GIGYF2: variants seen among roughly 807,000 people sequenced by gnomAD.
GIGYF2 encodes GRB10-interacting GYF protein 2.
Under a neutral mutation model 208.1 loss-of-function variants are expected in GIGYF2, and 25 were observed. The observed-to-expected ratio is 0.12, with a 90% CI of 0.09 to 0.17. The LOEUF (loss-of-function observed/expected upper bound fraction) is 0.17, where lower values mean the gene tolerates loss of function less well. Among genes scored for constraint, GIGYF2 ranks in the 10% least tolerant of loss-of-function variants. The pLI, the probability that GIGYF2 is intolerant of heterozygous loss-of-function variation, is 1.00. For synonymous variants in GIGYF2, 534 were observed against 543.8 expected, an observed-to-expected ratio of 0.98 and a Z score of 0.25; for missense variants, 1,302 against 1,579.4, an observed-to-expected ratio of 0.82 and a Z score of 2.98.
intron 2 of GIGYF2, chr2:232,729,637 T>G: frequency 9.1e-7 from 1 of 1,093,630 alleles, no homozygotes; most frequent in Non-Finnish European, 1.4e-6. Flanking sequence ...CACAACGTAT[T>G]TGAAGTTTCT....
chr2:232,850,509 A>G (rs1690271506), intron 28 of GIGYF2, 100 bp downstream of exon 28: 1 of 1,143,224 alleles, frequency 8.7e-7, no homozygotes, highest in African/African-American at 1.5e-5. Context: ...AAGAAGGGAA[A>G]TATTTCTTTT....
At chr2:232,826,215 C>T (rs967651876) in intron 21 of GIGYF2, among the ~76,000 whole-genome samples, 3 of 152,136 alleles carry the variant, frequency 2.0e-5, no homozygotes, top group Admixed American at 6.5e-5. Context: ...TGGGTATATA[C>T]CCAGTAATGG....
At chr2:232,765,030 T>G (rs1698899407) in intron 8 of GIGYF2, among the ~76,000 whole-genome samples, 1 of 152,188 alleles carries the variant, frequency 6.6e-6, no homozygotes, top group Non-Finnish European at 1.5e-5. Context: ...CTAGTTAGTA[T>G]CTACTATTAT....
intron 2 of GIGYF2, among the ~76,000 whole-genome samples, chr2:232,714,742 C>T (rs1299971888): frequency 6.6e-6 from 1 of 151,746 alleles, no homozygotes; most frequent in Non-Finnish European, 1.5e-5. Flanking sequence ...TTAATATTTG[C>T]GTCTTCTAGA....
At position 232,735,128 on chromosome 2, in the gene GIGYF2, G is replaced by A. The variant is rs1697679622; in HGVS notation, c.-43-27G>A. 7 of 985,726 alleles carry A rather than the reference G, an allele frequency of 7.1e-6. No individual in the cohort carries two copies. In the South Asian group the frequency reaches 9.3e-5, roughly 13 times the overall value. The allele number at this position is 985,726 out of a possible 1,614,324, so 61.1% of individuals were successfully genotyped here. On this transcript the variant is annotated intron_variant, in intron 2 of 28. Coordinates refer to ENST00000373563, the MANE Select transcript of GIGYF2 (RefSeq NM_001103146.3). ...ATTCCACATTTAATCTCAACTAATA[G>A]TATGGAGATATTTTTCTCGTTAACA...
chr2:232,734,992 C>G (rs2106295978), intron 2 of GIGYF2, among the ~76,000 whole-genome samples, 163 bp from the exon 3 acceptor site: 1 of 152,278 alleles, frequency 6.6e-6, no homozygotes, highest in East Asian at 1.9e-4. Flanking sequence ...ATTCATTTCA[C>G]TTTGCCTGCT....
At chr2:232,845,655 A>G (rs974215550) in intron 25 of GIGYF2, 77 bp from the exon 26 acceptor site, 16 of 1,267,874 alleles carry the variant, frequency 1.3e-5, no homozygotes, top group Non-Finnish European at 1.8e-5. Flanking sequence ...TTGCCAAGAC[A>G]TTATTTATGG....
intron 3 of GIGYF2, 135 bp downstream of exon 3, chr2:232,735,373 TGTTA>T (rs1347758861): frequency 2.0e-5 from 14 of 694,788 alleles, no homozygotes; most frequent in Non-Finnish European, 3.1e-5. Context: ...GAAAACAATG[TGTTA>T]GTTCAGGAAT....
At chr2:232,760,882 T>G (rs1316294049) in intron 7 of GIGYF2, among the ~76,000 whole-genome samples, 3 of 151,672 alleles carry the variant, frequency 2.0e-5, no homozygotes, top group Non-Finnish European at 4.4e-5. Flanking sequence ...TTAGTAAAAG[T>G]ATCTTCTCTC....
chr2:232,804,006 TC>T (rs1437120394), intron 14 of GIGYF2, among the ~76,000 whole-genome samples: 1 of 152,218 alleles, frequency 6.6e-6, no homozygotes, highest in Non-Finnish European at 1.5e-5. Context: ...GATCACTGTC[TC>T]TTCCTTCACC....
intron 2 of GIGYF2, among the ~76,000 whole-genome samples, chr2:232,719,531 C>T (rs1696846450): frequency 1.3e-5 from 2 of 152,088 alleles, no homozygotes. Flanking sequence ...AGGTTGATTT[C>T]TTTTCTTTCT....
At chr2:232,788,592 T>G in intron 9 of GIGYF2, 1 of 470,394 alleles carries the variant, frequency 2.1e-6, no homozygotes. Flanking sequence ...ACAAACAAGG[T>G]GAATGTTTTG....
At chr2:232,756,377 G>T (rs750000786) in intron 6 of GIGYF2, 43 bp downstream of exon 6, 10 of 1,027,830 alleles carry the variant, frequency 9.7e-6, no homozygotes, top group Non-Finnish European at 1.5e-5. Flanking sequence ...GGAGGAGGAG[G>T]AGGATAGAGA....
chr2:232,712,818 C>T (rs934932341), intron 2 of GIGYF2, among the ~76,000 whole-genome samples: 6 of 151,980 alleles, frequency 3.9e-5, no homozygotes, highest in East Asian at 3.9e-4. Context: ...TTTTAAAAAA[C>T]GATTTAAAAA....
chr2:232,765,725 A>G, intron 8 of GIGYF2: 1 of 302,830 alleles, frequency 3.3e-6, no homozygotes, highest in Non-Finnish European at 6.6e-6. Flanking sequence ...AATACAAATT[A>G]GTGTATTTTG....
At position 232,856,917 on chromosome 2, in the gene GIGYF2, C is replaced by G. The variant is rs1035855176; in HGVS notation, c.*57C>G. On this transcript the variant is annotated 3_prime_UTR_variant, in exon 29 of 29. Transcript: ENST00000373563. The stretch of plus-strand genomic sequence containing the variant: ...TGTCTGCCGACTATGGAGTCTCCAC[C>G]TTTGGACACAACACTTACTCACCAT... 3 of 1,103,258 alleles carry G rather than the reference C, an allele frequency of 2.7e-6. No individual in the cohort carries two copies. The highest frequency in any genetic ancestry group is 3.4e-5 in the Admixed American group (2 of 59,404). The allele number at this position is 1,103,258 out of a possible 1,614,324, so 68.3% of individuals were successfully genotyped here. A position where few individuals can be genotyped will look rare whatever the true frequency, so the allele number is the denominator to read the frequency against.
chr2:232,766,401 C>G (rs1165613800), intron 8 of GIGYF2: 2 of 165,012 alleles, frequency 1.2e-5, no homozygotes, highest in African/African-American at 4.8e-5. Flanking sequence ...GGCAGCTTCA[C>G]TTAACAAGCG....
Position 232,747,739 on chromosome 2 carries a change from A to C in GIGYF2, c.166A>C (p.Asn56His). Residue 56 changes from asparagine to histidine, a missense_variant, in exon 4 of 29, where the codon AAC becomes CAC. Transcript: ENST00000373563. ...AATGTTAGCACTTTTCCTTAAAGAC[A>C]ACAAGGTAAGAAAGTAGGAAAAGAG... The part of the protein sequence containing the change: ...EEMLALFLKD[N>H]KIPSDLLDKE... The C allele has an allele frequency of 6.2e-7, 1 of 1,613,762 alleles. No individual in the cohort carries two copies. Among genetic ancestry groups the C allele is most frequent in the South Asian group, 1.1e-5 (1 of 91,084 alleles).
intron 8 of GIGYF2, chr2:232,768,522 C>T: frequency 6.2e-7 from 1 of 1,614,056 alleles, no homozygotes; most frequent in Non-Finnish European, 8.5e-7. Flanking sequence ...AGCCAGAGGA[C>T]TTGATGGTGT....
Sources: allele counts gnomAD v4.1 joint callset (sites outside exome capture counted in the v4.1 genomes callset), GRCh38; gene constraint gnomAD v4.1.1; transcripts MANE v1.5; gene names NCBI Gene and HGNC (gene_info 2026-07-23, HGNC 2026-07-21).